The following CALCR variants were observed in gnomAD, a reference collection of about 807,000 sequenced individuals.
CALCR encodes the protein calcitonin receptor.
In CALCR, 47 loss-of-function variants were observed where a neutral mutation model predicts 59.5. The observed-to-expected ratio is 0.79, with a 90% CI of 0.63 to 1.01. The LOEUF (loss-of-function observed/expected upper bound fraction) is 1.01. Among genes scored for constraint, CALCR ranks in the 50% least tolerant of loss-of-function variants. The pLI is 0.00. For missense variants in CALCR, 566 were observed against 597.1 expected, an observed-to-expected ratio of 0.95 and a Z score of 0.54; for synonymous variants, 213 against 211.3, an observed-to-expected ratio of 1.01 and a Z score of -0.07.
intron 2 of CALCR, among the ~76,000 whole-genome samples, chr7:93,545,301 T>C (rs1351668895): frequency 6.6e-6 from 1 of 151,962 alleles, no homozygotes; most frequent in Non-Finnish European, 1.5e-5. Flanking sequence ...GGCTGTAGAG[T>C]GCTGGTTTTG....
intron 2 of CALCR, among the ~76,000 whole-genome samples, chr7:93,536,706 C>T (rs1033732982): frequency 2.0e-5 from 3 of 151,706 alleles, no homozygotes; most frequent in African/African-American, 7.3e-5. Flanking sequence ...TTGTTTCTTT[C>T]ATATGTTCAG....
intron 2 of CALCR, among the ~76,000 whole-genome samples, chr7:93,526,486 G>A (rs1047715111): frequency 1.4e-5 from 2 of 147,094 alleles, no homozygotes; most frequent in African/African-American, 5.2e-5. Context: ...CTGATTCAGA[G>A]ATATGGTAAA....
intron 8 of CALCR, among the ~76,000 whole-genome samples, chr7:93,449,474 A>G (rs79236551): frequency 6.6e-6 from 1 of 152,092 alleles, no homozygotes; most frequent in East Asian, 1.9e-4. Flanking sequence ...ATATGTTTCT[A>G]CCTGATTCAT....
At chr7:93,432,107 T>C (rs1198805722) in intron 13 of CALCR, among the ~76,000 whole-genome samples, 2 of 152,204 alleles carry the variant, frequency 1.3e-5, no homozygotes, top group Non-Finnish European at 2.9e-5. Context: ...TGACTCTCTA[T>C]ATAATTCATT....
chr7:93,431,252 C>T (rs902887886), intron 13 of CALCR, among the ~76,000 whole-genome samples: 2 of 152,188 alleles, frequency 1.3e-5, no homozygotes, highest in Admixed American at 6.5e-5. Flanking sequence ...TAGGAACCCT[C>T]CATTACATCA....
chr7:93,504,813 T>C (rs555966280), intron 2 of CALCR, among the ~76,000 whole-genome samples: 1 of 152,178 alleles, frequency 6.6e-6, no homozygotes, highest in Non-Finnish European at 1.5e-5. Context: ...TAGTGTTATC[T>C]ATTCACTTTG....
chr7:93,492,108 A>G (rs1434194874), intron 2 of CALCR, among the ~76,000 whole-genome samples: 1 of 151,492 alleles, frequency 6.6e-6, no homozygotes, highest in African/African-American at 2.4e-5. Flanking sequence ...CAAAGGATGA[A>G]GCTGAAAGCC....
In CALCR at chr7:93,441,314, G is replaced by A. The variant is rs1024431; in HGVS notation, c.802+2290C>T. Among the ~76,000 whole-genome samples the A allele has an allele frequency of 3.4e-3, 521 of 152,208 alleles. 12 individuals carry two copies. The highest frequency in any genetic ancestry group is 0.024 in the Admixed American group (365 of 15,284). ...GAAATAAATCTGGCAGAAAGTATGT[G>A]TGTGTTTGTGTGTGTGTTTGGGGTG... is the stretch of plus-strand genomic sequence containing the variant. On this transcript the variant is annotated intron_variant, in intron 9 of 13. Coordinates refer to ENST00000426151, the MANE Select transcript of CALCR (RefSeq NM_001742.4).
chr7:93,551,496 G>GT (rs1349493348), intron 2 of CALCR, among the ~76,000 whole-genome samples: 1 of 152,080 alleles, frequency 6.6e-6, no homozygotes, highest in African/African-American at 2.4e-5. Context: ...TTCTTTACAG[G>GT]TTTTTTTAGT....
At chr7:93,552,288 G>A (rs1206869741) in intron 2 of CALCR, among the ~76,000 whole-genome samples, 2 of 152,278 alleles carry the variant, frequency 1.3e-5, no homozygotes, top group South Asian at 2.1e-4. Flanking sequence ...AAACCAAACA[G>A]TTGCTCAGTA....
chr7:93,429,245 C>T (rs1799597667), intron 13 of CALCR, among the ~76,000 whole-genome samples: 1 of 152,100 alleles, frequency 6.6e-6, no homozygotes, highest in African/African-American at 2.4e-5. Flanking sequence ...CAATTATCTC[C>T]TACAATATCA....
chr7:93,431,336 G>A (rs996397723), intron 13 of CALCR, among the ~76,000 whole-genome samples: 1 of 152,198 alleles, frequency 6.6e-6, no homozygotes, highest in African/African-American at 2.4e-5. Context: ...ATTTGCCCCT[G>A]GCACCATGTC....
At chr7:93,498,568 C>T (rs560764883) in intron 2 of CALCR, among the ~76,000 whole-genome samples, 2 of 151,590 alleles carry the variant, frequency 1.3e-5, no homozygotes, top group South Asian at 4.1e-4. Flanking sequence ...ATTAAAAATA[C>T]ATCATGCATT....
chr7:93,465,253 G>A (rs1398932250), intron 7 of CALCR, among the ~76,000 whole-genome samples: 1 of 151,996 alleles, frequency 6.6e-6, no homozygotes. Context: ...TTATGGATAA[G>A]TAAATTTATT....
rs151071885 is a variant in CALCR at position 93,503,281 on chromosome 7, C to T, written c.-26-16274G>A. On this transcript the variant is annotated intron_variant, in intron 2 of 13. Coordinates refer to ENST00000426151, the MANE Select transcript of CALCR (RefSeq NM_001742.4). ...GTCCTGCCAGGGGAGCAACGCTTTG[C>T]TCAGATGAGGTAAGACATAACTACT... is the stretch of plus-strand genomic sequence containing the variant. 2.8e-3 allele frequency among the ~76,000 whole-genome samples: 419 copies of T among 152,174 alleles called. 4 individuals are homozygous for T. Among genetic ancestry groups the T allele is most frequent in the African/African-American group, 9.0e-3 (375 of 41,532 alleles).
intron 2 of CALCR, among the ~76,000 whole-genome samples, chr7:93,496,700 G>A (rs771514754): frequency 3.3e-4 from 50 of 151,574 alleles, no homozygotes; most frequent in Admixed American, 1.3e-4. Flanking sequence ...TGTGGGCAAA[G>A]AGTAGTGAAA....
At chr7:93,526,262 A>C (rs142754791) in intron 2 of CALCR, among the ~76,000 whole-genome samples, 5 of 152,142 alleles carry the variant, frequency 3.3e-5, no homozygotes, top group Non-Finnish European at 7.4e-5. Context: ...TGACACTGTT[A>C]AACAGTAACA....
rs148856785 is a variant in CALCR at position 93,523,374 on chromosome 7, A to T, written c.-26-36367T>A. 1.6e-3 allele frequency among the ~76,000 whole-genome samples: 242 copies of T among 152,332 alleles called. 1 individual carries two copies. Among genetic ancestry groups the T allele is most frequent in the African/African-American group, 5.6e-3 (232 of 41,574 alleles). ...CTTGAAATAGACTAGTGATAAAAGA[A>T]TGAATCCATATATACATTGTTCTTG... On this transcript the variant is annotated intron_variant, in intron 2 of 13. Transcript: ENST00000426151.
chr7:93,543,793 A>T (rs928873301), intron 2 of CALCR, among the ~76,000 whole-genome samples: 1 of 152,152 alleles, frequency 6.6e-6, no homozygotes. Flanking sequence ...AACCAAAATT[A>T]TAACACACAT....
Sources: gnomAD v4.1 joint callset for allele counts (sites outside exome capture counted in the v4.1 genomes callset) on GRCh38, gnomAD v4.1.1 for gene constraint, MANE v1.5 for transcripts, NCBI Gene and HGNC (gene_info 2026-07-23, HGNC 2026-07-21) for gene names.